Variants in GAN observed in about 807,000 individuals in gnomAD.
The protein encoded by GAN is gigaxonin.
A neutral mutation model predicts 71.3 loss-of-function variants in GAN; 48 were observed. The observed-to-expected ratio is 0.67, with a 90% CI of 0.53 to 0.86. The LOEUF (loss-of-function observed/expected upper bound fraction) is 0.86, where lower values mean the gene tolerates loss of function less well. GAN is among the 40% of genes least tolerant of loss of function. The probability of loss-of-function intolerance (pLI) is 0.00; values close to 1 mark genes in which losing one functional copy is unlikely to be tolerated. For synonymous variants in GAN, 386 were observed against 276.8 expected (o/e 1.39, Z -3.92); for missense variants, 928 against 770.1 (o/e 1.21, Z -2.43).
intron 1 of GAN, among the ~76,000 whole-genome samples, chr16:81,335,133 A>C (rs1909712130): frequency 1.1e-5 from 1 of 91,876 alleles, no homozygotes; most frequent in Non-Finnish European, 2.0e-5. Flanking sequence ...GGAAGGATTA[A>C]ACTGTGTGAC....
Position 81,315,020 on chromosome 16 carries a change from C to A in GAN, c.-94C>A. On this transcript the variant is annotated 5_prime_UTR_variant, in exon 1 of 11. Coordinates refer to ENST00000648994, the MANE Select transcript of GAN (RefSeq NM_022041.4). ...TCTGCTCAGAGCGCGGAGAGCCGGG[C>A]CGGGCGGGCGCGCGCGCAGGACTCG... The A allele has an allele frequency of 3.7e-6, 4 of 1,087,900 alleles. No homozygotes were observed. The highest frequency in any genetic ancestry group is 4.4e-5 in the South Asian group (2 of 45,342). The allele number at this position is 1,087,900 out of a possible 1,614,324, so 67.4% of individuals were successfully genotyped here. A position where few individuals can be genotyped will look rare whatever the true frequency, so the allele number is the denominator to read the frequency against.
chr16:81,319,806 G>C (rs371731125), intron 1 of GAN, among the ~76,000 whole-genome samples: 1 of 152,210 alleles, frequency 6.6e-6, no homozygotes, highest in South Asian at 2.1e-4. Flanking sequence ...GACTTTTCTG[G>C]GCTCTAGCTT....
intron 1 of GAN, among the ~76,000 whole-genome samples, chr16:81,350,236 C>T (rs754375157): frequency 2.6e-5 from 4 of 152,030 alleles, no homozygotes; most frequent in Non-Finnish European, 4.4e-5. Context: ...AAAGGGGAAA[C>T]GTGGCTACAA....
At chr16:81,333,011 G>T (rs1031886858) in intron 1 of GAN, among the ~76,000 whole-genome samples, 6 of 152,162 alleles carry the variant, frequency 3.9e-5, no homozygotes, top group African/African-American at 1.4e-4. Flanking sequence ...AGGCTGAGGT[G>T]GGCAGATCAC....
intron 1 of GAN, among the ~76,000 whole-genome samples, chr16:81,342,579 C>G (rs764672928): frequency 2.4e-4 from 36 of 152,174 alleles, no homozygotes; most frequent in Admixed American, 2.0e-4. Flanking sequence ...TTCTTTGAAA[C>G]CAATGAGAAC....
intron 1 of GAN, among the ~76,000 whole-genome samples, chr16:81,331,663 C>T (rs1909582218): frequency 6.6e-6 from 1 of 152,198 alleles, no homozygotes; most frequent in Admixed American, 6.5e-5. Context: ...TCCCCTCATA[C>T]ACATGGCTGC....
intron 1 of GAN, among the ~76,000 whole-genome samples, chr16:81,330,483 A>G (rs918358160): frequency 3.9e-5 from 6 of 152,270 alleles, no homozygotes; most frequent in African/African-American, 1.4e-4. Context: ...TACTCCAGAT[A>G]ATAAGATAAA....
rs370360690 is a variant in GAN at position 81,356,932 on chromosome 16, G to T, written c.781G>T (p.Ala261Ser). Residue 261 changes from alanine to serine, a missense_variant, in exon 4 of 11, where the codon GCG (alanine) becomes TCG (serine). Transcript: ENST00000648994. ...IPLSQPQQGE[A>S]MLANFKPRGY... is the part of the protein sequence containing the mutation. ...GCTCAGCCAGCCGCAGCAAGGGGAGGCGATGCTGGCCAACTTCAAACCCCG... is the reference window on the plus strand; with the variant it reads ...GCTCAGCCAGCCGCAGCAAGGGGAGTCGATGCTGGCCAACTTCAAACCCCG... 6.2e-7 allele frequency: 1 copy of T among 1,613,914 alleles called. No homozygotes were observed. Among genetic ancestry groups the T allele is most frequent in the East Asian group, 2.2e-5 (1 of 44,878 alleles).
intron 1 of GAN, among the ~76,000 whole-genome samples, chr16:81,322,050 C>T (rs1290782448): frequency 6.6e-6 from 1 of 152,176 alleles, no homozygotes; most frequent in Non-Finnish European, 1.5e-5. Flanking sequence ...GTTAAATCAT[C>T]TTCCTAAGTA....
intron 3 of GAN, among the ~76,000 whole-genome samples, chr16:81,355,391 T>C (rs1467758122): frequency 6.6e-6 from 1 of 152,192 alleles, no homozygotes; most frequent in East Asian, 1.9e-4. Flanking sequence ...AGTCTCAGTC[T>C]GTCTCCCAGG....
intron 1 of GAN, among the ~76,000 whole-genome samples, chr16:81,317,086 T>G (rs1395601528): frequency 1.3e-5 from 2 of 152,236 alleles, no homozygotes; most frequent in African/African-American, 4.8e-5. Flanking sequence ...CTCGAACTCC[T>G]CACCTCGTGA....
intron 3 of GAN, among the ~76,000 whole-genome samples, chr16:81,356,337 G>A (rs918016665): frequency 1.3e-5 from 2 of 151,844 alleles, no homozygotes; most frequent in African/African-American, 4.8e-5. Flanking sequence ...TTTGGCTTTT[G>A]TATATTTTTC....
At chr16:81,332,251 C>T (rs1339545742) in intron 1 of GAN, among the ~76,000 whole-genome samples, 1 of 152,084 alleles carries the variant, frequency 6.6e-6, no homozygotes, top group Non-Finnish European at 1.5e-5. Flanking sequence ...GTGGGTAAAC[C>T]AGTCAGAGAC....
Position 81,320,178 on chromosome 16 carries a change from C to G in GAN, c.167+4898C>G, listed in dbSNP as rs1909179860. On this transcript the variant is annotated intron_variant, in intron 1 of 10. Coordinates refer to ENST00000648994, the MANE Select transcript of GAN (RefSeq NM_022041.4). ...TATAAAGTTTGACTCACAGATGATACTGATGAAACTACTTAAGGAGACTAA... is the reference window on the plus strand; with the variant it reads ...TATAAAGTTTGACTCACAGATGATAGTGATGAAACTACTTAAGGAGACTAA... 2.0e-5 allele frequency among the ~76,000 whole-genome samples: 3 copies of G among 152,266 alleles called. No homozygotes were observed. The South Asian group carries it at 6.2e-4, about 32-fold the overall frequency.
In GAN at chr16:81,377,395, T is replaced by C. The variant is rs756311729; in HGVS notation, c.1613-20T>C. On this transcript the variant is annotated intron_variant, in intron 10 of 10. Transcript: ENST00000648994. ...GATTCTGGGTACATTTTCTCACCCT[T>C]GCTTATTTCTGTGGCTTAGGTACCA... 6.2e-7 allele frequency: 1 copy of C among 1,612,002 alleles called. No individual in the cohort carries two copies. Among genetic ancestry groups the C allele is most frequent in the South Asian group, 1.1e-5 (1 of 91,054 alleles).
chr16:81,369,626 C>G (rs1214839780), intron 9 of GAN, among the ~76,000 whole-genome samples: 1 of 152,238 alleles, frequency 6.6e-6, no homozygotes, highest in Non-Finnish European at 1.5e-5. Flanking sequence ...GAGTCTCACT[C>G]TGTTGCCCAG....
chr16:81,361,347 G>T (rs1261082886), intron 5 of GAN, among the ~76,000 whole-genome samples: 1 of 152,104 alleles, frequency 6.6e-6, no homozygotes, highest in Non-Finnish European at 1.5e-5. Context: ...ATTTGTTTCT[G>T]CCAGTTGACT....
intron 3 of GAN, among the ~76,000 whole-genome samples, chr16:81,355,081 T>A (rs1471337328): frequency 3.3e-5 from 5 of 152,184 alleles, no homozygotes; most frequent in Non-Finnish European, 7.3e-5. Flanking sequence ...GCTCTCAGCA[T>A]CCTGACCTAC....
At chr16:81,333,472 T>C (rs993819829) in intron 1 of GAN, among the ~76,000 whole-genome samples, 2 of 152,120 alleles carry the variant, frequency 1.3e-5, no homozygotes, top group Non-Finnish European at 2.9e-5. Context: ...AATAGTACCG[T>C]TTACTAGTTA....
Sources: gnomAD v4.1 joint callset for allele counts (sites outside exome capture counted in the v4.1 genomes callset) on GRCh38, gnomAD v4.1.1 for gene constraint, MANE v1.5 for transcripts, NCBI Gene and HGNC (gene_info 2026-07-23, HGNC 2026-07-21) for gene names.